Variants in FASTKD1 observed in about 807,000 individuals in gnomAD.
FASTKD1 encodes the protein FAST kinase domains 1.
Under a neutral mutation model 90.9 loss-of-function variants are expected in FASTKD1, and 94 were observed. The observed-to-expected ratio is 1.03, with a 90% CI of 0.88 to 1.23. The LOEUF (loss-of-function observed/expected upper bound fraction) is 1.23, where lower values mean the gene tolerates loss of function less well. Among genes scored for constraint, FASTKD1 ranks in the 50% most tolerant of loss-of-function variants. The pLI, the probability that FASTKD1 is intolerant of heterozygous loss-of-function variation, is 0.00. For synonymous variants in FASTKD1, 319 were observed against 345.8 expected (o/e 0.92, Z 0.86); for missense variants, 945 against 993.5 (o/e 0.95, Z 0.66).
At chr2:169,532,731 A>G (rs1026885691) in intron 12 of FASTKD1, among the ~76,000 whole-genome samples, 2 of 152,136 alleles carry the variant, frequency 1.3e-5, no homozygotes, top group African/African-American at 4.8e-5. Flanking sequence ...AAGTTGAACC[A>G]AAAACTGCAA....
At chr2:169,553,440 T>G (rs548470677) in intron 7 of FASTKD1, among the ~76,000 whole-genome samples, 1 of 152,074 alleles carries the variant, frequency 6.6e-6, no homozygotes, top group Non-Finnish European at 1.5e-5. Context: ...CTTACCATCT[T>G]AAGAAGAAAA....
intron 7 of FASTKD1, among the ~76,000 whole-genome samples, chr2:169,550,044 T>G (rs947242735): frequency 8.5e-5 from 13 of 152,284 alleles, no homozygotes; most frequent in Non-Finnish European, 2.9e-5. Flanking sequence ...TTTTTTTCTT[T>G]TAAGAGGGAG....
At chr2:169,567,164 T>C (rs1340945601) in intron 3 of FASTKD1, among the ~76,000 whole-genome samples, 1 of 151,992 alleles carries the variant, frequency 6.6e-6, no homozygotes, top group Non-Finnish European at 1.5e-5. Context: ...ATCATTGTAC[T>C]TCTGAGTTAT....
At chr2:169,548,959 T>C (rs1256575881) in intron 7 of FASTKD1, among the ~76,000 whole-genome samples, 9 of 150,864 alleles carry the variant, frequency 6.0e-5, no homozygotes, top group Admixed American at 4.6e-4. Flanking sequence ...TAGCCGGGCA[T>C]GGTGGTGGGT....
chr2:169,561,740 T>TA lies in FASTKD1; in HGVS notation c.573-956dup, dbSNP rs1333909503. 5.9e-4 allele frequency among the ~76,000 whole-genome samples: 41 copies of TA among 69,210 alleles called. No individual in the cohort carries two copies. In the East Asian group the frequency reaches 0.011, roughly 19 times the overall value. The allele number at this position is 69,210 out of a possible 152,430, so 45.4% of individuals were successfully genotyped here. A position where few individuals can be genotyped will look rare whatever the true frequency, so the allele number is the denominator to read the frequency against. On this transcript the variant is annotated intron_variant, in intron 4 of 14. Transcript: ENST00000453153. ...AATTATTAATCTATTATAAATTAAT[T>TA]ATTCATTATAAATTATTTATTAATT...
At chr2:169,552,983 G>A (rs1685559381) in intron 7 of FASTKD1, among the ~76,000 whole-genome samples, 1 of 152,062 alleles carries the variant, frequency 6.6e-6, no homozygotes, top group African/African-American at 2.4e-5. Flanking sequence ...AAAGCAGGCG[G>A]ATCACTTGAG....
chr2:169,554,848 T>C (rs1685672373), intron 7 of FASTKD1, among the ~76,000 whole-genome samples: 4 of 152,192 alleles, frequency 2.6e-5, no homozygotes, highest in African/African-American at 9.7e-5. Flanking sequence ...GGTGACTCCA[T>C]TTTGCAGGAA....
chr2:169,555,361 G>A, intron 6 of FASTKD1, 106 bp from the exon 7 acceptor site: 2 of 877,146 alleles, frequency 2.3e-6, no homozygotes, highest in Non-Finnish European at 3.5e-6. Flanking sequence ...AAACGGCAAT[G>A]AATGAGATGA....
rs1684762094 is a variant in FASTKD1 at position 169,537,274 on chromosome 2, A to G, written c.2141T>C (p.Ile714Thr). ...AAGAACCGAGGCTTTTACACAATTG[A>G]TTCCTCCTAGTACCTCTGCTAACAT... ...FKMLAEVLGG[I>T]NCVKASVLTP... is the part of the protein sequence containing the mutation. Residue 714 changes from isoleucine to threonine, a missense_variant, in exon 12 of 15, where the codon ATC (isoleucine) becomes ACC (threonine). Transcript: ENST00000453153. 6.2e-7 allele frequency: 1 copy of G among 1,613,598 alleles called. No homozygotes were observed.
At chr2:169,552,312 G>A (rs1438554659) in intron 7 of FASTKD1, among the ~76,000 whole-genome samples, 1 of 152,090 alleles carries the variant, frequency 6.6e-6, no homozygotes, top group African/African-American at 2.4e-5. Flanking sequence ...AACATTACAG[G>A]AAAATGAAAT....
intron 3 of FASTKD1, among the ~76,000 whole-genome samples, chr2:169,565,155 T>C (rs1356525502): frequency 6.6e-6 from 1 of 150,846 alleles, no homozygotes. Context: ...GGTTTCTCCA[T>C]GTTGAGGCTG....
At chr2:169,572,846 A>C (rs1684292952) in intron 1 of FASTKD1, 1 of 152,216 alleles carries the variant, frequency 6.6e-6, no homozygotes, top group African/African-American at 2.4e-5. Flanking sequence ...ATTTGTTTTA[A>C]AAATATGCTA....
chr2:169,562,395 G>C (rs1683744152), intron 4 of FASTKD1, among the ~76,000 whole-genome samples: 2 of 151,778 alleles, frequency 1.3e-5, no homozygotes, highest in African/African-American at 4.8e-5. Context: ...ACCATGCCCA[G>C]CTAATTTTGT....
rs1684340680 is a variant in FASTKD1, at chr2:169,573,844, T to G, written c.-318A>C. ...TCTTCGAGAGACATGACCTTTCCCA[T>G]GAGACCTTGCCCCCAAACCAGGAAA... On this transcript the variant is annotated 5_prime_UTR_variant, in exon 1 of 15. It removes an upstream start codon present in the reference 5' UTR. Coordinates refer to ENST00000453153, the MANE Select transcript of FASTKD1 (RefSeq NM_024622.6). The G allele has an allele frequency of 6.6e-6, 1 of 152,238 alleles. No individual in the cohort carries two copies. The highest frequency in any genetic ancestry group is 1.5e-5 in the Non-Finnish European group (1 of 68,080). 9.4% of individuals were successfully genotyped at this position (152,238 alleles called of 1,614,324 possible).
chr2:169,537,352 A>C lies in FASTKD1; in HGVS notation c.2075-12T>G. The C allele has an allele frequency of 6.7e-7, 1 of 1,500,322 alleles. No individual in the cohort carries two copies. Among genetic ancestry groups the C allele is most frequent in the Non-Finnish European group, 9.2e-7 (1 of 1,090,480 alleles). The allele number at this position is 1,500,322 out of a possible 1,614,324, so 92.9% of individuals were successfully genotyped here. A position where few individuals can be genotyped will look rare whatever the true frequency, so the allele number is the denominator to read the frequency against. On this transcript the variant is annotated splice_polypyrimidine_tract_variant and intron_variant, in intron 11 of 14. Transcript: ENST00000453153. ...CATGCCACCAATACCTTTATAAAAA[A>C]ATAAATAATTAGTCTACTTAATCTT... is the stretch of plus-strand genomic sequence containing the variant.
chr2:169,564,158 AGTTT>A (rs909689092), intron 3 of FASTKD1, among the ~76,000 whole-genome samples: 14 of 152,164 alleles, frequency 9.2e-5, no homozygotes, highest in African/African-American at 3.4e-4. Flanking sequence ...TTTTCTGTAA[AGTTT>A]ATTTAAAAAG....
intron 3 of FASTKD1, among the ~76,000 whole-genome samples, chr2:169,566,276 A>G (rs1163851307): frequency 1.3e-5 from 2 of 152,180 alleles, no homozygotes; most frequent in African/African-American, 4.8e-5. Flanking sequence ...TAAAGATGAA[A>G]TGATATTATT....
intron 6 of FASTKD1, among the ~76,000 whole-genome samples, chr2:169,555,996 A>G (rs2105393175): frequency 6.6e-6 from 1 of 152,274 alleles, no homozygotes. Context: ...GCAAAATAGT[A>G]AGACCCTATC....
At chr2:169,532,754 G>T (rs1316895743) in intron 12 of FASTKD1, among the ~76,000 whole-genome samples, 1 of 140,616 alleles carries the variant, frequency 7.1e-6, no homozygotes, top group Non-Finnish European at 1.5e-5. Flanking sequence ...CAACCAAGTG[G>T]AATGTTAAGA....
Sources: gnomAD v4.1 joint callset for allele counts (sites outside exome capture counted in the v4.1 genomes callset) on GRCh38, gnomAD v4.1.1 for gene constraint, MANE v1.5 for transcripts, NCBI Gene and HGNC (gene_info 2026-07-23, HGNC 2026-07-21) for gene names.